The following CCDC25 variants were observed in gnomAD, a reference collection of about 807,000 sequenced individuals.
CCDC25 encodes the protein coiled-coil domain containing 25, also known as coiled-coil domain-containing protein 25.
CCDC25 carries 16 observed loss-of-function variants against 35.3 expected under a neutral mutation model. The observed-to-expected ratio is 0.45, with a 90% CI of 0.31 to 0.69. CCDC25 has a LOEUF of 0.69. Ranked by LOEUF, CCDC25 falls within the 30% of genes least tolerant of loss-of-function variation. The pLI, the probability that CCDC25 is intolerant of heterozygous loss-of-function variation, is 0.06. For synonymous variants in CCDC25, 79 were observed against 80.3 expected (o/e 0.98, Z 0.09); for missense variants, 179 against 250.7 (o/e 0.71, Z 1.93).
chr8:27,765,444 A>C (rs1376149876), intron 1 of CCDC25, among the ~76,000 whole-genome samples, 193 bp from the exon 2 acceptor site: 3 of 152,150 alleles, frequency 2.0e-5, no homozygotes, highest in Non-Finnish European at 4.4e-5. Flanking sequence ...GGTTGGAAAA[A>C]AAGCAAAACA....
Position 27,748,184 on chromosome 8 carries a change from T to C in CCDC25, c.444A>G (p.Lys148=). The change falls in exon 7 of 9, where the codon AAA becomes AAG. Residue 148 remains lysine (K), a synonymous_variant. Coordinates refer to ENST00000356537, the MANE Select transcript of CCDC25 (RefSeq NM_018246.3). ...TCCTCTCTTCACGATCTCTGCATTCTTTCTCTGCTGCTAGGTCTGGGAACC... is the reference window on the plus strand; with the variant it reads ...TCCTCTCTTCACGATCTCTGCATTCCTTCTCTGCTGCTAGGTCTGGGAACC... ...VERFPDLAAE[K]ECRDREERNE... The C allele has an allele frequency of 6.2e-7, 1 of 1,613,980 alleles. No homozygotes were observed. The highest frequency in any genetic ancestry group is 8.5e-7 in the Non-Finnish European group (1 of 1,179,856).
rs1804258813 is a variant in CCDC25 at position 27,762,429 on chromosome 8, C to T, written c.106G>A (p.Glu36Lys). ...NEDLIKHGWP[E>K]DIWFHVDKLS... is the part of the protein sequence containing the mutation. ...AAAATTGTTACTTACCAGATATCTT[C>T]AGGCCAGCCATGCTTGATCAGATCT... Residue 36 changes from glutamate (E) to lysine (K), a missense_variant, in exon 3 of 9, where the codon GAA (glutamate) becomes AAA (lysine). Physicochemically the swap from Glu to Lys is moderately conservative, Grantham distance 56 (BLOSUM62 1). Coordinates refer to ENST00000356537, the MANE Select transcript of CCDC25 (RefSeq NM_018246.3). 1 of 1,613,192 alleles carries T rather than the reference C, an allele frequency of 6.2e-7. No homozygotes were observed. Among genetic ancestry groups the T allele is most frequent in the South Asian group, 1.1e-5 (1 of 90,992 alleles).
intron 2 of CCDC25, among the ~76,000 whole-genome samples, chr8:27,763,201 G>A (rs1339674883): frequency 1.3e-5 from 2 of 152,006 alleles, no homozygotes; most frequent in Non-Finnish European, 2.9e-5. Flanking sequence ...AATTATAAAT[G>A]GTTCAATAAA....
At position 27,734,968 on chromosome 8, in the gene CCDC25, A is replaced by G. The variant is rs1462266457; in HGVS notation, c.*1248T>C. On this transcript the variant is annotated 3_prime_UTR_variant, in exon 9 of 9. Coordinates refer to ENST00000356537, the MANE Select transcript of CCDC25 (RefSeq NM_018246.3). ...GCCTATGATGAATGAGGTTTTTTAG[A>G]GCAAGATCACCCTCAAAACCAGCTT... The G allele has an allele frequency of 6.6e-6, 1 of 152,186 alleles. No homozygotes were observed. Among genetic ancestry groups the G allele is most frequent in the African/African-American group, 2.4e-5 (1 of 41,442 alleles). The allele number at this position is 152,186 out of a possible 1,614,324, so 9.4% of individuals were successfully genotyped here.
At position 27,736,243 on chromosome 8, in the gene CCDC25, A is replaced by G. The variant is rs751291401; in HGVS notation, c.600T>C (p.Asp200=). 1.2e-6 allele frequency: 2 copies of G among 1,604,868 alleles called. No homozygotes were observed. Among genetic ancestry groups the G allele is most frequent in the South Asian group, 2.3e-5 (2 of 88,512 alleles). ...ACATGAATTCATCTGAATCATTGCC[A>G]TCCTGTAGGAAACACAAAAATGAGA... ...MKVENMSSNQ[D]GNDSDEFM Residue 200 remains aspartate (D), a splice_region_variant and synonymous_variant, in exon 9 of 9, where the codon GAT becomes GAC. Transcript: ENST00000356537.
intron 8 of CCDC25, 146 bp from the exon 9 acceptor site, chr8:27,736,391 C>T (rs1002254022): frequency 3.0e-6 from 2 of 656,286 alleles, no homozygotes; most frequent in Middle Eastern, 4.2e-4. Context: ...CATCACTTCT[C>T]CGCCTTAAGT....
Position 27,748,537 on chromosome 8 carries a change from A to T in CCDC25, c.306T>A (p.Ala102=), listed in dbSNP as rs763676522. ...YTPWSNLKKT[A]DMDVGQIGFH... ...AGCCTATCTGCCCCACATCCATGTC[A>T]GCTGTTTTCTTCAGGTTAGACCACG... is the stretch of plus-strand genomic sequence containing the variant. The change falls in exon 6 of 9, where the codon GCT becomes GCA. Residue 102 remains alanine, a synonymous_variant. Transcript: ENST00000356537. 4 of 1,613,390 alleles carry T rather than the reference A, an allele frequency of 2.5e-6. No homozygotes were observed. Among genetic ancestry groups the T allele is most frequent in the Admixed American group, 3.3e-5 (2 of 60,028 alleles).
intron 5 of CCDC25, among the ~76,000 whole-genome samples, chr8:27,749,668 CA>C (rs548310883): frequency 2.0e-4 from 29 of 141,840 alleles, no homozygotes; most frequent in Middle Eastern, 3.5e-3. Context: ...GCCCTGGATC[CA>C]AAAAAAAAAG....
chr8:27,748,908 G>A (rs1377896026), intron 5 of CCDC25, among the ~76,000 whole-genome samples: 2 of 152,000 alleles, frequency 1.3e-5, no homozygotes, highest in African/African-American at 2.4e-5. Flanking sequence ...GAAAAGGACT[G>A]AATATGTTTC....
At chr8:27,762,926 C>G (rs1804276266) in intron 2 of CCDC25, among the ~76,000 whole-genome samples, 1 of 151,894 alleles carries the variant, frequency 6.6e-6, no homozygotes, top group African/African-American at 2.4e-5. Context: ...ATAAAAATCA[C>G]CTTAAATTCT....
At chr8:27,739,843 C>T (rs1408035403) in intron 8 of CCDC25, among the ~76,000 whole-genome samples, 2 of 152,186 alleles carry the variant, frequency 1.3e-5, no homozygotes, top group Admixed American at 6.5e-5. Flanking sequence ...ATTGTGCTAT[C>T]TCTAGACACT....
intron 4 of CCDC25, 55 bp from the exon 5 acceptor site, chr8:27,752,642 G>A: frequency 2.2e-6 from 3 of 1,387,668 alleles, no homozygotes; most frequent in African/African-American, 1.4e-5. Context: ...ATTGACACTG[G>A]AGCACTCAAA....
chr8:27,756,383 C>CCA (rs1193197367), intron 4 of CCDC25: 1 of 196,514 alleles, frequency 5.1e-6, no homozygotes, highest in African/African-American at 2.3e-5. Flanking sequence ...ATCACATGAG[C>CCA]CACACATGAT....
At chr8:27,767,420 GCTGT>G (rs1169899962) in intron 1 of CCDC25, among the ~76,000 whole-genome samples, 9 of 152,102 alleles carry the variant, frequency 5.9e-5, no homozygotes, top group Non-Finnish European at 2.9e-5. Context: ...TGCAGGCCAA[GCTGT>G]CTAAGCTACA....
intron 8 of CCDC25, among the ~76,000 whole-genome samples, chr8:27,739,963 A>G (rs2128936123): frequency 6.6e-6 from 1 of 152,344 alleles, no homozygotes; most frequent in South Asian, 2.1e-4. Flanking sequence ...ACTATGTCAT[A>G]GGTCACCATC....
intron 7 of CCDC25, among the ~76,000 whole-genome samples, chr8:27,742,848 C>G (rs1022952277): frequency 6.6e-6 from 1 of 152,192 alleles, no homozygotes; most frequent in South Asian, 2.1e-4. Context: ...GCCTGGGCAA[C>G]AGAGTGAGAC....
chr8:27,767,781 T>A (rs1413900850), intron 1 of CCDC25, among the ~76,000 whole-genome samples: 1 of 152,190 alleles, frequency 6.6e-6, no homozygotes, highest in Non-Finnish European at 1.5e-5. Flanking sequence ...TGCCCTTGAT[T>A]TTAGAAAATA....
At chr8:27,752,811 T>TA (rs71553882) in intron 4 of CCDC25, 71,074 of 173,614 alleles carry the variant, frequency 0.41, 13,231 homozygotes, top group Admixed American at 0.51. Flanking sequence ...ACTTAATAAG[T>TA]AAAAAAAAAA....
intron 1 of CCDC25, among the ~76,000 whole-genome samples, chr8:27,769,671 C>T (rs1214911051): frequency 1.3e-5 from 2 of 152,150 alleles, no homozygotes; most frequent in Non-Finnish European, 2.9e-5. Flanking sequence ...AGAAATAGCT[C>T]ATGGCACACA....
Sources: allele counts gnomAD v4.1 joint callset (sites outside exome capture counted in the v4.1 genomes callset), GRCh38; gene constraint gnomAD v4.1.1; transcripts MANE v1.5; gene names NCBI Gene and HGNC (gene_info 2026-07-23, HGNC 2026-07-21).